The following RUNDC3B variants were observed in gnomAD, a reference collection of about 807,000 sequenced individuals.
RUNDC3B encodes the protein RUN domain-containing protein 3B.
A neutral mutation model predicts 58.4 loss-of-function variants in RUNDC3B; 33 were observed. That is an observed-to-expected ratio of 0.56 (90% CI 0.43 to 0.75). The LOEUF is 0.75. Ranked by LOEUF, RUNDC3B falls within the 30% of genes least tolerant of loss-of-function variation. The pLI is 0.00. For missense variants in RUNDC3B, 501 were observed against 535.7 expected, an observed-to-expected ratio of 0.94 and a Z score of 0.64; for synonymous variants, 193 against 195.2, an observed-to-expected ratio of 0.99 and a Z score of 0.10.
chr7:87,680,079 A>G (rs1826776986), intron 2 of RUNDC3B, among the ~76,000 whole-genome samples: 1 of 150,166 alleles, frequency 6.7e-6, no homozygotes, highest in Non-Finnish European at 1.5e-5. Flanking sequence ...CCCTGTGTCC[A>G]TGTGTTCTCG....
At position 87,715,354 on chromosome 7, in the gene RUNDC3B, T is replaced by C. The variant is rs541391943; in HGVS notation, c.458+4699T>C. Among the ~76,000 whole-genome samples the C allele has an allele frequency of 4.3e-4, 51 of 119,528 alleles. 1 individual carries two copies. The highest frequency in any genetic ancestry group is 1.8e-3 in the African/African-American group (51 of 28,254). The allele number at this position is 119,528 out of a possible 152,430, so 78.4% of individuals were successfully genotyped here. On this transcript the variant is annotated intron_variant, in intron 4 of 10. Coordinates refer to ENST00000394654, the MANE Select transcript of RUNDC3B (RefSeq NM_001134405.2). Reference sequence around the variant, plus strand: ...ATATAATTAATTTATAATAATTATATATAATTAATTTATAATAATTATATA... The same window carrying C: ...ATATAATTAATTTATAATAATTATACATAATTAATTTATAATAATTATATA...
chr7:87,828,584 A>G (rs760900941), intron 10 of RUNDC3B, among the ~76,000 whole-genome samples: 10 of 152,324 alleles, frequency 6.6e-5, no homozygotes, highest in Admixed American at 2.0e-4. Context: ...ATAGTAGTCC[A>G]TGGTGTAGAT....
At chr7:87,757,466 A>G (rs1346046796) in intron 6 of RUNDC3B, among the ~76,000 whole-genome samples, 1 of 152,172 alleles carries the variant, frequency 6.6e-6, no homozygotes, top group African/African-American at 2.4e-5. Context: ...ATACCTAAGA[A>G]TTAACCAAAG....
intron 2 of RUNDC3B, among the ~76,000 whole-genome samples, chr7:87,681,630 G>T (rs1826939625): frequency 2.0e-5 from 3 of 150,542 alleles, no homozygotes. Context: ...TTACCTTTTT[G>T]CTGGTGGAGG....
At chr7:87,818,083 T>C (rs1481101263) in intron 10 of RUNDC3B, among the ~76,000 whole-genome samples, 1 of 152,194 alleles carries the variant, frequency 6.6e-6, no homozygotes, top group Non-Finnish European at 1.5e-5. Context: ...TTGGATTCAC[T>C]GTCATAATCC....
At position 87,640,188 on chromosome 7, in the gene RUNDC3B, A is replaced by G. The variant is rs1388710628; in HGVS notation, c.123-10634A>G. On this transcript the variant is annotated intron_variant, in intron 1 of 10. Coordinates refer to ENST00000394654, the MANE Select transcript of RUNDC3B (RefSeq NM_001134405.2). ...CATCCTAAAACATACTTATATATATATGTGTATATATATATATATATTAAA... is the reference window on the plus strand; with the variant it reads ...CATCCTAAAACATACTTATATATATGTGTGTATATATATATATATATTAAA... Among the ~76,000 whole-genome samples, 9 of 147,800 alleles carry G rather than the reference A, an allele frequency of 6.1e-5. No homozygotes were observed. In the South Asian group the frequency reaches 6.3e-4, roughly 10 times the overall value.
intron 6 of RUNDC3B, among the ~76,000 whole-genome samples, chr7:87,743,143 T>TA (rs1832441412): frequency 6.6e-6 from 1 of 151,668 alleles, no homozygotes; most frequent in South Asian, 2.1e-4. Context: ...CTAAGGTAGT[T>TA]ACATACTGAC....
chr7:87,671,919 G>T lies in RUNDC3B; in HGVS notation c.238+20982G>T, dbSNP rs1236046804. On this transcript the variant is annotated intron_variant, in intron 2 of 10. Coordinates refer to ENST00000394654, the MANE Select transcript of RUNDC3B (RefSeq NM_001134405.2). ...CTCTGTTGGCTGGAAAACACAGGCA[G>T]GAGTGCTGGAGGCCCTGGTTGGGAG... 2.6e-5 allele frequency among the ~76,000 whole-genome samples: 4 copies of T among 152,230 alleles called. No homozygotes were observed. In the East Asian group the frequency reaches 7.7e-4, roughly 29 times the overall value.
intron 6 of RUNDC3B, among the ~76,000 whole-genome samples, chr7:87,765,427 G>T (rs552058241): frequency 6.6e-6 from 1 of 151,918 alleles, no homozygotes; most frequent in African/African-American, 2.4e-5. Flanking sequence ...TTTGATGTTG[G>T]CATTTAGTGC....
chr7:87,641,905 ATCT>A (rs1822496802), intron 1 of RUNDC3B, among the ~76,000 whole-genome samples: 1 of 152,138 alleles, frequency 6.6e-6, no homozygotes, highest in Non-Finnish European at 1.5e-5. Context: ...ACAGAACCAA[ATCT>A]TCTGTTATAT....
chr7:87,705,101 A>C (rs1829469603), intron 3 of RUNDC3B, among the ~76,000 whole-genome samples: 1 of 152,170 alleles, frequency 6.6e-6, no homozygotes, highest in Admixed American at 6.5e-5. Flanking sequence ...GAAGCTTGTC[A>C]CCATGGACAA....
At chr7:87,691,052 G>A (rs1172344919) in intron 2 of RUNDC3B, among the ~76,000 whole-genome samples, 2 of 151,900 alleles carry the variant, frequency 1.3e-5, no homozygotes, top group Non-Finnish European at 2.9e-5. Flanking sequence ...TCAAAGAAAT[G>A]GAAATGAATA....
At chr7:87,803,151 A>G (rs1836261906) in intron 8 of RUNDC3B, among the ~76,000 whole-genome samples, 1 of 152,218 alleles carries the variant, frequency 6.6e-6, no homozygotes, top group South Asian at 2.1e-4. Flanking sequence ...GTTCCACAGA[A>G]TAAATTGTAT....
chr7:87,725,938 G>A (rs1425598010), intron 4 of RUNDC3B, among the ~76,000 whole-genome samples: 1 of 152,106 alleles, frequency 6.6e-6, no homozygotes, highest in African/African-American at 2.4e-5. Context: ...TGTTGGGGTT[G>A]TTTATTTTTT....
chr7:87,649,187 C>G (rs1391049371), intron 1 of RUNDC3B, among the ~76,000 whole-genome samples: 1 of 151,660 alleles, frequency 6.6e-6, no homozygotes, highest in Non-Finnish European at 1.5e-5. Flanking sequence ...TGTTTTGTAT[C>G]CTGATTTTGA....
chr7:87,824,772 G>T (rs913613146), intron 10 of RUNDC3B, among the ~76,000 whole-genome samples: 2 of 152,186 alleles, frequency 1.3e-5, no homozygotes, highest in Admixed American at 6.5e-5. Flanking sequence ...TGAAGAACTT[G>T]TTGGGAACTG....
At chr7:87,708,559 A>G (rs1222560637) in intron 3 of RUNDC3B, among the ~76,000 whole-genome samples, 1 of 152,168 alleles carries the variant, frequency 6.6e-6, no homozygotes, top group Non-Finnish European at 1.5e-5. Context: ...TGGGTTTTTA[A>G]GAGTTAATTG....
intron 1 of RUNDC3B, among the ~76,000 whole-genome samples, chr7:87,637,621 TA>T (rs1359704285): frequency 2.0e-5 from 3 of 152,078 alleles, no homozygotes; most frequent in African/African-American, 7.2e-5. Context: ...CATATATAGA[TA>T]TTTTAAATCT....
chr7:87,655,089 T>C (rs574048849), intron 2 of RUNDC3B, among the ~76,000 whole-genome samples: 1 of 152,234 alleles, frequency 6.6e-6, no homozygotes, highest in African/African-American at 2.4e-5. Flanking sequence ...AATGTAAATT[T>C]AGAACAGCCA....
Sources: allele counts gnomAD v4.1 joint callset (sites outside exome capture counted in the v4.1 genomes callset), GRCh38; gene constraint gnomAD v4.1.1; transcripts MANE v1.5; gene names NCBI Gene and HGNC (gene_info 2026-07-23, HGNC 2026-07-21).